Variants in PTPRN2 observed in about 807,000 individuals in gnomAD.
PTPRN2 encodes protein tyrosine phosphatase receptor type N2, also known as receptor-type tyrosine-protein phosphatase N2.
PTPRN2 carries 74 observed loss-of-function variants against 118.8 expected under a neutral mutation model. The observed-to-expected ratio is 0.62, with a 90% CI of 0.52 to 0.76. The LOEUF (loss-of-function observed/expected upper bound fraction) is 0.76, where lower values mean the gene tolerates loss of function less well. PTPRN2 is among the 30% of genes least tolerant of loss of function. The pLI, the probability that PTPRN2 is intolerant of heterozygous loss-of-function variation, is 0.00. For synonymous variants in PTPRN2, 641 were observed against 608.0 expected, an observed-to-expected ratio of 1.05 and a Z score of -0.80; for missense variants, 1,481 against 1,394.4, an observed-to-expected ratio of 1.06 and a Z score of -0.99.
chr7:158,154,361 G>A (rs1360142149), intron 6 of PTPRN2, among the ~76,000 whole-genome samples: 6 of 152,222 alleles, frequency 3.9e-5, no homozygotes, highest in Non-Finnish European at 5.9e-5. Context: ...CTGAGAAAAT[G>A]AAATATAGTA....
At chr7:157,655,098 ACAC>A (rs1563308654) in intron 14 of PTPRN2, among the ~76,000 whole-genome samples, 1 of 152,214 alleles carries the variant, frequency 6.6e-6, no homozygotes, top group Admixed American at 6.5e-5. Flanking sequence ...CCGGGTGTGA[ACAC>A]CTCGGGTTTG....
At chr7:157,626,701 C>T (rs988127344) in intron 14 of PTPRN2, among the ~76,000 whole-genome samples, 1 of 152,196 alleles carries the variant, frequency 6.6e-6, no homozygotes, top group Non-Finnish European at 1.5e-5. Context: ...TCAGCACAGG[C>T]AGCAAGCACT....
In PTPRN2 at chr7:157,643,867, G is replaced by A. The variant is rs1007465561; in HGVS notation, c.2196+12490C>T. The stretch of plus-strand genomic sequence containing the variant: ...TCGTGCAGCAGATAGACGGCAGTCC[G>A]GGCTGTGGCAGGTGACAGCCCAGGG... On this transcript the variant is annotated intron_variant, in intron 14 of 22. Coordinates refer to ENST00000389418, the MANE Select transcript of PTPRN2 (RefSeq NM_002847.5). Among the ~76,000 whole-genome samples, 13 of 152,322 alleles carry A rather than the reference G, an allele frequency of 8.5e-5. 1 individual carries two copies. The highest frequency in any genetic ancestry group is 4.1e-4 in the South Asian group (2 of 4,822).
At chr7:157,658,617 C>T (rs558006858) in intron 13 of PTPRN2, among the ~76,000 whole-genome samples, 17 of 152,320 alleles carry the variant, frequency 1.1e-4, no homozygotes, top group East Asian at 5.8e-4. Context: ...CCGCTGCTGC[C>T]GCTCACCTTC....
At chr7:158,387,452 G>A (rs975917065) in intron 2 of PTPRN2, among the ~76,000 whole-genome samples, 3 of 25,986 alleles carry the variant, frequency 1.2e-4, no homozygotes, top group Admixed American at 7.5e-4. Context: ...GACAACTCTT[G>A]TTTTGTAAGA....
rs1054653991 is a variant in PTPRN2, at chr7:157,690,698, G to T, written c.1789-7761C>A. On this transcript the variant is annotated intron_variant, in intron 12 of 22. Coordinates refer to ENST00000389418, the MANE Select transcript of PTPRN2 (RefSeq NM_002847.5). This position sits in a 1 kb window ranked among gnomAD's most constrained non-coding sequence, Gnocchi z 7.1. Reference sequence around the variant, plus strand: ...CCCTGCGCTGGAGCCACAGACTAGCGGGGTCATCCGCTTCTGACCACAAAC... The same window carrying T: ...CCCTGCGCTGGAGCCACAGACTAGCTGGGTCATCCGCTTCTGACCACAAAC... Among the ~76,000 whole-genome samples, 10 of 151,588 alleles carry T rather than the reference G, an allele frequency of 6.6e-5. No individual in the cohort carries two copies. Among genetic ancestry groups the T allele is most frequent in the African/African-American group, 2.4e-4 (10 of 41,392 alleles).
intron 11 of PTPRN2, among the ~76,000 whole-genome samples, chr7:158,048,858 TCACTATCACCATCACATTACCAC>T (rs964034105): frequency 6.0e-5 from 1 of 16,782 alleles, no homozygotes; most frequent in African/African-American, 2.6e-4. Context: ...ATTACCAATA[TCACTATCACCATCACATTACCAC>T]CACCATCACC....
chr7:157,645,739 C>A (rs991694390), intron 14 of PTPRN2, among the ~76,000 whole-genome samples: 3 of 152,192 alleles, frequency 2.0e-5, no homozygotes, highest in African/African-American at 7.2e-5. Flanking sequence ...CACCGGCTGG[C>A]CCTGGGGAGG....
rs1223367997 is a variant in PTPRN2 at position 157,794,340 on chromosome 7, C to T, written c.1788+104333G>A. Among the ~76,000 whole-genome samples the T allele has an allele frequency of 1.3e-5, 2 of 149,094 alleles. No homozygotes were observed. The highest frequency in any genetic ancestry group is 2.9e-5 in the Non-Finnish European group (2 of 68,022). ...CGGGCTCACACCTCCCTGCTCCACC[C>T]AGGCTGCCTGCACTTCCGGTTCTGC... is the stretch of plus-strand genomic sequence containing the variant. On this transcript the variant is annotated intron_variant, in intron 12 of 22. Transcript: ENST00000389418. The surrounding 1 kb of genome is among the most constrained non-coding windows in gnomAD (Gnocchi z 5.2).
At chr7:157,792,863 C>G (rs1369971821) in intron 12 of PTPRN2, among the ~76,000 whole-genome samples, 2 of 152,142 alleles carry the variant, frequency 1.3e-5, no homozygotes, top group South Asian at 4.1e-4. Flanking sequence ...TGTGTGCAAT[C>G]GATGGGCACT....
intron 12 of PTPRN2, among the ~76,000 whole-genome samples, chr7:157,809,597 G>A (rs1337309004): frequency 1.3e-5 from 2 of 152,266 alleles, no homozygotes; most frequent in East Asian, 3.9e-4. Flanking sequence ...TATCCAGTAC[G>A]GCCGGCATCC....
At chr7:157,994,584 TC>T (rs1237397818) in intron 11 of PTPRN2, among the ~76,000 whole-genome samples, 31 of 144,460 alleles carry the variant, frequency 2.1e-4, no homozygotes, top group African/African-American at 7.3e-4. Context: ...AACTCCTTGT[TC>T]CTAAATCAAT....
At chr7:158,203,141 A>G (rs1023111091) in intron 4 of PTPRN2, among the ~76,000 whole-genome samples, 17 of 148,048 alleles carry the variant, frequency 1.1e-4, no homozygotes, top group African/African-American at 4.2e-4. Context: ...CTGAGGCAAG[A>G]GAATTGCTTG....
chr7:157,664,012 T>A (rs1381522047), intron 13 of PTPRN2, among the ~76,000 whole-genome samples: 14 of 152,164 alleles, frequency 9.2e-5, no homozygotes, highest in Admixed American at 9.2e-4. Context: ...CCACCCTGCA[T>A]GAGGTGACTC....
chr7:157,811,332 T>TTTTATA (rs1424012856), intron 12 of PTPRN2, among the ~76,000 whole-genome samples: 26 of 131,290 alleles, frequency 2.0e-4, no homozygotes, highest in African/African-American at 7.1e-4. Flanking sequence ...ATCTACTCTA[T>TTTTATA]TATATATATA....
intron 11 of PTPRN2, among the ~76,000 whole-genome samples, chr7:157,910,832 T>G (rs1798066512): frequency 6.6e-6 from 1 of 152,274 alleles, no homozygotes; most frequent in Non-Finnish European, 1.5e-5. Context: ...AATGTTTTGA[T>G]GTTAATCATT....
intron 10 of PTPRN2, among the ~76,000 whole-genome samples, chr7:158,100,912 T>C (rs899752396): frequency 6.6e-6 from 1 of 152,194 alleles, no homozygotes; most frequent in African/African-American, 2.4e-5. Context: ...TGCTCATGGA[T>C]GGGTAGAATC....
Position 158,587,625 on chromosome 7 carries a change from C to CAGCAGCAGCAGT in PTPRN2, c.33_44dup (p.Leu12_Leu15dup), listed in dbSNP as rs760895238. On this transcript the variant is annotated inframe_insertion, in exon 1 of 23. Coordinates refer to ENST00000389418, the MANE Select transcript of PTPRN2 (RefSeq NM_002847.5). ...GGGCGGCAGGCAGGACGCGTGGCGG[C>CAGCAGCAGCAGT]AGCAGCAGCAGTAGCAGCAGCAGCA... The CAGCAGCAGCAGT allele has an allele frequency of 8.4e-5, 113 of 1,352,944 alleles. No homozygotes were observed. Among genetic ancestry groups the CAGCAGCAGCAGT allele is most frequent in the South Asian group, 2.0e-4 (11 of 55,916 alleles). The allele number at this position is 1,352,944 out of a possible 1,614,324, so 83.8% of individuals were successfully genotyped here.
At chr7:157,601,969 C>T (rs1801694275) in intron 16 of PTPRN2, among the ~76,000 whole-genome samples, 1 of 152,200 alleles carries the variant, frequency 6.6e-6, no homozygotes, top group Non-Finnish European at 1.5e-5. Context: ...CCAGAACGCA[C>T]GTTCTGTTCA....
Sources: gnomAD v4.1 joint callset for allele counts (sites outside exome capture counted in the v4.1 genomes callset) on GRCh38, gnomAD v4.1.1 for gene constraint, Gnocchi (gnomAD v3.1) non-coding constraint, MANE v1.5 for transcripts, NCBI Gene and HGNC (gene_info 2026-07-23, HGNC 2026-07-21) for gene names.